CCDC192: variants seen among roughly 807,000 people sequenced by gnomAD.
CCDC192 encodes coiled-coil domain containing 192.
At chr5:127,711,295 G>A (rs544874110) in intron 2 of CCDC192, among the ~76,000 whole-genome samples, 3 of 152,222 alleles carry the variant, frequency 2.0e-5, no homozygotes, top group African/African-American at 7.2e-5. Context: ...AAGCCCTTTA[G>A]CTTTCAAGTA....
At chr5:127,731,590 G>A (rs886143274) in intron 2 of CCDC192, among the ~76,000 whole-genome samples, 2 of 152,132 alleles carry the variant, frequency 1.3e-5, no homozygotes, top group Non-Finnish European at 2.9e-5. Context: ...AAAGCTGGAG[G>A]CATTATGCTA....
At chr5:127,722,536 G>A (rs1752085193) in intron 2 of CCDC192, among the ~76,000 whole-genome samples, 5 of 152,090 alleles carry the variant, frequency 3.3e-5, no homozygotes, top group Admixed American at 3.3e-4. Flanking sequence ...TATTTGCCCA[G>A]AACAATGTCC....
chr5:127,717,521 A>G (rs2126790274), intron 2 of CCDC192, among the ~76,000 whole-genome samples: 1 of 152,268 alleles, frequency 6.6e-6, no homozygotes, highest in African/African-American at 2.4e-5. Context: ...TGATATCAAG[A>G]AAGATCAAAA....
intron 1 of CCDC192, among the ~76,000 whole-genome samples, chr5:127,707,435 T>A (rs1378074224): frequency 6.6e-6 from 1 of 152,078 alleles, no homozygotes; most frequent in East Asian, 1.9e-4. Flanking sequence ...AATACAAGAT[T>A]GTTCAGGTTT....
intron 2 of CCDC192, among the ~76,000 whole-genome samples, chr5:127,742,493 T>C (rs1753479686): frequency 6.6e-6 from 1 of 152,188 alleles, no homozygotes; most frequent in African/African-American, 2.4e-5. Context: ...AGGTGCATCT[T>C]GGACTAGGTC....
At chr5:127,850,868 A>G (rs1344914716) in intron 5 of CCDC192, among the ~76,000 whole-genome samples, 2 of 152,224 alleles carry the variant, frequency 1.3e-5, no homozygotes, top group African/African-American at 2.4e-5. Context: ...CCGGAGGCTG[A>G]GGCAGAAGAA....
chr5:127,909,247 G>A lies in CCDC192; in HGVS notation c.536-31935G>A, dbSNP rs571812883. ...CACTGCCTCACCACACAGAGCCTGA[G>A]GACTTTTCAAGGCCCTTCACAATAC... is the stretch of plus-strand genomic sequence containing the variant. On this transcript the variant is annotated intron_variant, in intron 6 of 6. Transcript: ENST00000514853. Among the ~76,000 whole-genome samples, 3 of 152,148 alleles carry A rather than the reference G, an allele frequency of 2.0e-5. No individual in the cohort carries two copies. The East Asian group carries it at 5.8e-4, about 29-fold the overall frequency.
chr5:127,708,601 A>G lies in CCDC192; in HGVS notation c.114+841A>G, dbSNP rs374266929. Among the ~76,000 whole-genome samples, 21 of 152,290 alleles carry G rather than the reference A, an allele frequency of 1.4e-4. No homozygotes were observed. In the South Asian group the frequency reaches 2.3e-3, roughly 17 times the overall value. On this transcript the variant is annotated intron_variant, in intron 2 of 6. Coordinates refer to ENST00000514853, the MANE Select transcript of CCDC192 (RefSeq NM_001317938.2). ...AGACTAAGAATCAAGACTTGGGATG[A>G]GGCCAAAATTTGCCATCTCCAACCT...
chr5:127,923,313 GT>G (rs1156752624), intron 6 of CCDC192, among the ~76,000 whole-genome samples: 1 of 151,746 alleles, frequency 6.6e-6, no homozygotes, highest in Non-Finnish European at 1.5e-5. Flanking sequence ...TTTACTCATA[GT>G]TCATTCATAC....
chr5:127,771,506 T>C (rs1485944833), intron 3 of CCDC192, among the ~76,000 whole-genome samples: 2 of 152,156 alleles, frequency 1.3e-5, no homozygotes, highest in Non-Finnish European at 1.5e-5. Context: ...TTCATGGAAA[T>C]GTCTATGTCA....
chr5:127,702,971 G>A (rs933724441), upstream of CCDC192, among the ~76,000 whole-genome samples: 2 of 152,192 alleles, frequency 1.3e-5, no homozygotes, highest in Non-Finnish European at 2.9e-5. Context: ...GGCCGGGTGG[G>A]GTCTTCTGTC....
chr5:127,716,526 C>T (rs1347264172), intron 2 of CCDC192, among the ~76,000 whole-genome samples: 2 of 152,090 alleles, frequency 1.3e-5, no homozygotes, highest in Non-Finnish European at 2.9e-5. Context: ...CTGAGCTTTT[C>T]TTTGATGGGA....
rs556913539 is a variant in CCDC192, at chr5:127,709,417, A to G, written c.114+1657A>G. ...CTGCAACGCTGGGAATTATAATTCA[A>G]CATGAGATTTGGACAGGGACACAGA... On this transcript the variant is annotated intron_variant, in intron 2 of 6. Transcript: ENST00000514853. Among the ~76,000 whole-genome samples the G allele has an allele frequency of 1.2e-3, 189 of 152,314 alleles. 1 individual carries two copies. Among genetic ancestry groups the G allele is most frequent in the African/African-American group, 4.3e-3 (179 of 41,562 alleles).
rs73343082 is a variant in CCDC192 at position 127,710,237 on chromosome 5, C to T, written c.114+2477C>T. 5.6e-3 allele frequency among the ~76,000 whole-genome samples: 850 copies of T among 152,282 alleles called. 4 individuals are homozygous for T. Among genetic ancestry groups the T allele is most frequent in the African/African-American group, 0.019 (794 of 41,560 alleles). ...TGATTACTGCTGCCTTCTTCCACAA[C>T]GCAGTCTCTTTTAAGTCATGGAACT... On this transcript the variant is annotated intron_variant, in intron 2 of 6. Coordinates refer to ENST00000514853, the MANE Select transcript of CCDC192 (RefSeq NM_001317938.2).
intron 2 of CCDC192, among the ~76,000 whole-genome samples, chr5:127,750,163 A>C (rs1355430516): frequency 6.6e-6 from 1 of 151,966 alleles, no homozygotes; most frequent in Non-Finnish European, 1.5e-5. Context: ...TAGCTTTTGA[A>C]TGTGTTTGCT....
rs150354325 is a variant in CCDC192 at position 127,778,946 on chromosome 5, A to G, written c.223-18157A>G. 3.0e-3 allele frequency among the ~76,000 whole-genome samples: 460 copies of G among 152,146 alleles called. 2 individuals carry two copies. Among genetic ancestry groups the G allele is most frequent in the African/African-American group, 0.01 (424 of 41,538 alleles). ...TATCTTATAATCCTTTTATTTCTGT[A>G]AAGTTGGAAGTATTGTTTCCACTTT... On this transcript the variant is annotated intron_variant, in intron 3 of 6. Coordinates refer to ENST00000514853, the MANE Select transcript of CCDC192 (RefSeq NM_001317938.2).
intron 2 of CCDC192, among the ~76,000 whole-genome samples, chr5:127,753,959 C>G (rs941061597): frequency 1.3e-5 from 2 of 152,150 alleles, no homozygotes; most frequent in African/African-American, 2.4e-5. Context: ...TTCATCCTAA[C>G]CTTTTGGAGT....
intron 5 of CCDC192, among the ~76,000 whole-genome samples, chr5:127,857,100 A>T (rs986351995): frequency 6.6e-6 from 1 of 152,350 alleles, no homozygotes; most frequent in Admixed American, 6.5e-5. Context: ...CTGCATTCTC[A>T]TGGAAATCTC....
intron 2 of CCDC192, among the ~76,000 whole-genome samples, chr5:127,736,715 A>G (rs1477396810): frequency 2.0e-4 from 30 of 150,558 alleles, no homozygotes; most frequent in African/African-American, 5.2e-4. Context: ...GTTTATTTGC[A>G]TAGAGGTGTT....
Sources: gnomAD v4.1 joint callset for allele counts (sites outside exome capture counted in the v4.1 genomes callset) on GRCh38, gnomAD v4.1.1 for gene constraint, MANE v1.5 for transcripts, NCBI Gene and HGNC (gene_info 2026-07-23, HGNC 2026-07-21) for gene names.